PLS1: variants seen among roughly 807,000 people sequenced by gnomAD.
The protein encoded by PLS1 is plastin-1.
A neutral mutation model predicts 73.7 loss-of-function variants in PLS1; 32 were observed. The observed-to-expected ratio is 0.43, with a 90% confidence interval of 0.33 to 0.58. The LOEUF (loss-of-function observed/expected upper bound fraction) is 0.58. Ranked by LOEUF, PLS1 falls within the 20% of genes least tolerant of loss-of-function variation. The pLI, the probability that PLS1 is intolerant of heterozygous loss-of-function variation, is 0.04. For synonymous variants in PLS1, 217 were observed against 261.3 expected (o/e 0.83, Z 1.63); for missense variants, 633 against 740.5 (o/e 0.85, Z 1.68).
intron 1 of PLS1, among the ~76,000 whole-genome samples, chr3:142,650,646 A>G (rs893510887): frequency 1.3e-5 from 2 of 152,346 alleles, no homozygotes; most frequent in African/African-American, 4.8e-5. Flanking sequence ...CAAAAATGGC[A>G]TGGATGTATC....
At chr3:142,605,760 T>C (rs2036006743) in intron 1 of PLS1, among the ~76,000 whole-genome samples, 1 of 152,242 alleles carries the variant, frequency 6.6e-6, no homozygotes, top group South Asian at 2.1e-4. Context: ...CTATGGAGCA[T>C]ATTAACATTA....
At chr3:142,637,881 T>G (rs1219372270) in intron 1 of PLS1, among the ~76,000 whole-genome samples, 1 of 151,564 alleles carries the variant, frequency 6.6e-6, no homozygotes, top group African/African-American at 2.4e-5. Flanking sequence ...TCTATATATA[T>G]ATGAGATTTA....
At chr3:142,704,401 T>C (rs1233279640) in intron 13 of PLS1, 62 bp from the exon 14 acceptor site, 13 of 1,324,008 alleles carry the variant, frequency 9.8e-6, no homozygotes, top group Admixed American at 8.3e-5. Context: ...AACATTGATA[T>C]AAATTATGTG....
chr3:142,682,758 A>G (rs2037881956), intron 6 of PLS1, among the ~76,000 whole-genome samples: 1 of 152,232 alleles, frequency 6.6e-6, no homozygotes, highest in Non-Finnish European at 1.5e-5. Flanking sequence ...ATTTGATTTA[A>G]GGTAACTTAA....
At chr3:142,604,795 C>T (rs994318946) in intron 1 of PLS1, among the ~76,000 whole-genome samples, 2 of 151,906 alleles carry the variant, frequency 1.3e-5, no homozygotes, top group African/African-American at 2.4e-5. Context: ...ATTAGCCAGG[C>T]GTGGTGGTGG....
At position 142,689,730 on chromosome 3, in the gene PLS1, T is replaced by C. The variant is rs1394768740; in HGVS notation, c.1094T>C (p.Leu365Ser). 2 of 1,611,322 alleles carry C rather than the reference T, an allele frequency of 1.2e-6. No individual in the cohort carries two copies. The highest frequency in any genetic ancestry group is 4.5e-5 in the East Asian group (2 of 44,728). ...DVVSGNPKLN[L>S]AFVANLFNTY... ...GTTTCAGGCAATCCTAAACTTAATTTAGCTTTTGTAGCTAATTTGTTTAAC... is the reference window on the plus strand; with the variant it reads ...GTTTCAGGCAATCCTAAACTTAATTCAGCTTTTGTAGCTAATTTGTTTAAC... The change falls in exon 10 of 16, where the codon TTA becomes TCA. Residue 365 changes from leucine (L) to serine (S), a missense_variant. Leu to Ser is a moderately radical substitution (Grantham distance 145). Coordinates refer to ENST00000457734, the MANE Select transcript of PLS1 (RefSeq NM_001145319.2).
chr3:142,600,912 A>T (rs1163412106), intron 1 of PLS1, among the ~76,000 whole-genome samples: 485 of 20,724 alleles, frequency 0.023, 36 homozygotes, highest in African/African-American at 0.1. Flanking sequence ...ATATATATAT[A>T]TATATTTTTT....
In PLS1 at chr3:142,611,433, G is replaced by A. The variant is rs114361992; in HGVS notation, c.-37+14924G>A. On this transcript the variant is annotated intron_variant, in intron 1 of 15. Coordinates refer to ENST00000457734, the MANE Select transcript of PLS1 (RefSeq NM_001145319.2). ...GGCCAAGAATTCAAGACCAGCCTGG[G>A]CTACATAGTGAGATCTTGTCTCTAC... Among the ~76,000 whole-genome samples, 1,164 of 152,254 alleles carry A rather than the reference G, an allele frequency of 7.6e-3. 17 individuals are homozygous for A. Among genetic ancestry groups the A allele is most frequent in the African/African-American group, 0.026 (1,101 of 41,554 alleles).
Position 142,712,233 on chromosome 3 carries a change from C to T in PLS1, c.*226C>T, listed in dbSNP as rs937746861. 2 of 361,204 alleles carry T rather than the reference C, an allele frequency of 5.5e-6. No homozygotes were observed. The highest frequency in any genetic ancestry group is 1.0e-5 in the Non-Finnish European group (2 of 200,966). 22.4% of individuals were successfully genotyped at this position (361,204 alleles called of 1,614,324 possible). On this transcript the variant is annotated 3_prime_UTR_variant, in exon 16 of 16. Transcript: ENST00000457734. ...ACAGATAATAGAATATATTCATAAT[C>T]AAGCTGATACTTCATGATTAAATTA...
At chr3:142,600,944 G>C (rs1441680932) in intron 1 of PLS1, among the ~76,000 whole-genome samples, 6 of 31,638 alleles carry the variant, frequency 1.9e-4, no homozygotes, top group Non-Finnish European at 2.8e-4. Context: ...TTTTTTTTGA[G>C]ACGGAGTCTC....
intron 1 of PLS1, among the ~76,000 whole-genome samples, chr3:142,605,789 A>G (rs1405865160): frequency 6.6e-6 from 1 of 152,252 alleles, no homozygotes; most frequent in Non-Finnish European, 1.5e-5. Flanking sequence ...TCTTGAAATA[A>G]GAGTTGATTA....
At chr3:142,601,717 A>G (rs73228758) in intron 1 of PLS1, among the ~76,000 whole-genome samples, 20,634 of 151,890 alleles carry the variant, frequency 0.14, 1,462 homozygotes, top group Non-Finnish European at 0.16. Flanking sequence ...AGGTCTTGCT[A>G]TGTTGTCTAG....
chr3:142,689,995 G>A (rs1341755820), intron 10 of PLS1, among the ~76,000 whole-genome samples, 182 bp downstream of exon 10: 1 of 152,002 alleles, frequency 6.6e-6, no homozygotes, highest in East Asian at 1.9e-4. Context: ...AGAGAATGCT[G>A]GGGTAAATCT....
intron 1 of PLS1, among the ~76,000 whole-genome samples, chr3:142,646,416 C>T (rs1298683398): frequency 1.3e-5 from 2 of 152,218 alleles, no homozygotes; most frequent in Admixed American, 1.3e-4. Context: ...CTTAGGACGG[C>T]ATGCTTGCAT....
chr3:142,711,621 G>A lies in PLS1; in HGVS notation c.1750G>A (p.Ala584Thr). Residue 584 changes from alanine (A) to threonine (T), a missense_variant, in exon 15 of 16, where the codon GCT becomes ACT. Ala to Thr is a moderately conservative substitution (Grantham distance 58). Coordinates refer to ENST00000457734, the MANE Select transcript of PLS1 (RefSeq NM_001145319.2). The part of the protein sequence containing the change: ...NLSDEDKLNN[A>T]KYAISVARKI... ...ATCTGATGAGGACAAGCTGAACAAT[G>A]CTAAGTAAGCCTTTATGGTTTATAT... 6.2e-7 allele frequency: 1 copy of A among 1,602,854 alleles called. No homozygotes were observed.
chr3:142,711,838 G>T, intron 15 of PLS1, 34 bp from the exon 16 acceptor site: 1 of 1,605,740 alleles, frequency 6.2e-7, no homozygotes, highest in Non-Finnish European at 8.5e-7. Flanking sequence ...AAACACAGTG[G>T]ATAACACCAA....
intron 1 of PLS1, among the ~76,000 whole-genome samples, chr3:142,630,242 G>A (rs2036524697): frequency 6.6e-6 from 1 of 150,946 alleles, no homozygotes; most frequent in Admixed American, 6.6e-5. Context: ...GTCTCATGGT[G>A]AAACCCCATC....
intron 6 of PLS1, among the ~76,000 whole-genome samples, chr3:142,682,580 G>A (rs183230413): frequency 0.012 from 1,838 of 152,304 alleles, 29 homozygotes; most frequent in Non-Finnish European, 0.015. Flanking sequence ...GGGTTATTGT[G>A]AGGTTAATAC....
chr3:142,642,655 A>C (rs1339002693), intron 1 of PLS1, among the ~76,000 whole-genome samples: 1 of 152,102 alleles, frequency 6.6e-6, no homozygotes, highest in East Asian at 1.9e-4. Flanking sequence ...AGTATGGTTA[A>C]TTTTCTGAGC....
Sources: gnomAD v4.1 joint callset for allele counts (sites outside exome capture counted in the v4.1 genomes callset) on GRCh38, gnomAD v4.1.1 for gene constraint, MANE v1.5 for transcripts, NCBI Gene and HGNC (gene_info 2026-07-23, HGNC 2026-07-21) for gene names.